ANKRD36B: variants seen among roughly 807,000 people sequenced by gnomAD.
The protein encoded by ANKRD36B is ankyrin repeat domain-containing protein 36B.
In ANKRD36B, 37 loss-of-function variants were observed where a neutral mutation model predicts 135.7. The ratio of observed to expected loss-of-function variants is 0.27; its 90% CI spans 0.21 to 0.36. ANKRD36B has a LOEUF of 0.36. Among genes scored for constraint, ANKRD36B ranks in the 10% least tolerant of loss-of-function variants. The pLI is 1.00. For missense variants in ANKRD36B, 549 were observed against 1,037.1 expected (o/e 0.53, Z 6.46); for synonymous variants, 179 against 348.1 (o/e 0.51, Z 5.41).
chr2:97,551,332 C>G lies in ANKRD36B; in HGVS notation c.1332G>C (p.Ser444=). The change falls in exon 18 of 44, where the codon TCG becomes TCC. Residue 444 remains serine, a synonymous_variant. Transcript: ENST00000359901. ...CATCCTTTTTTTCTCTGGTTATATT[C>G]GAAAAAGAATCTTTCTCATCACTTG... The part of the protein sequence containing the change: ...KATSDEKDSF[S]NITREKKDGE... 6.3e-7 allele frequency: 1 copy of G among 1,584,564 alleles called. No individual in the cohort carries two copies. Among genetic ancestry groups the G allele is most frequent in the Non-Finnish European group, 8.6e-7 (1 of 1,168,208 alleles).
rs1216913492 is a variant in ANKRD36B at position 97,589,704 on chromosome 2, C to CCA, written c.-20_-19insTG. On this transcript the variant is annotated 5_prime_UTR_variant, in exon 1 of 44. Coordinates refer to ENST00000359901, the MANE Select transcript of ANKRD36B (RefSeq NM_001393939.1). ...GCTCCATGAGGGTGGGCCACCTCTC[C>CCA]CGCTCGTCGTCTTCCTTAATCGTCG... The CCA allele has an allele frequency of 6.2e-7, 1 of 1,613,908 alleles. No homozygotes were observed. Among genetic ancestry groups the CCA allele is most frequent in the African/African-American group, 1.3e-5 (1 of 74,898 alleles).
rs56775263 is a variant in ANKRD36B at position 97,496,833 on chromosome 2, G to GTATATA, written c.*7-3984_*7-3979dup. On this transcript the variant is annotated intron_variant, in intron 43 of 43. Coordinates refer to ENST00000359901, the MANE Select transcript of ANKRD36B (RefSeq NM_001393939.1). ...TGTGTGTGTATGTATATATGTGTGTGTATATATATATATATATATATATAT... is the reference window on the plus strand; with the variant it reads ...TGTGTGTGTATGTATATATGTGTGTGTATATATATATATATATATATATATATATAT... Among the ~76,000 whole-genome samples the GTATATA allele has an allele frequency of 2.2e-3, 136 of 62,024 alleles. 4 individuals are homozygous for GTATATA. Among genetic ancestry groups the GTATATA allele is most frequent in the East Asian group, 5.4e-3 (20 of 3,686 alleles). The allele number at this position is 62,024 out of a possible 152,430, so 40.7% of individuals were successfully genotyped here.
At chr2:97,559,605 C>G (rs989831593) in intron 8 of ANKRD36B, among the ~76,000 whole-genome samples, 9 of 151,930 alleles carry the variant, frequency 5.9e-5, no homozygotes, top group African/African-American at 2.2e-4. Flanking sequence ...CTTGTATCCA[C>G]TAGTTTAGCT....
rs1442303887 is a variant in ANKRD36B at position 97,556,975 on chromosome 2, A to G, written c.1031T>C (p.Ile344Thr). 6.3e-6 allele frequency: 10 copies of G among 1,586,260 alleles called. No homozygotes were observed. In the East Asian group the frequency reaches 1.8e-4, roughly 29 times the overall value. Residue 344 changes from isoleucine (I) to threonine (T), a missense_variant, in exon 12 of 44, where the codon ATT becomes ACT. Transcript: ENST00000359901. ...CCCACCGCCCATTATTCTTGTGGCA[A>G]TATTCAAAAGAGAAACTTTCTTTTT... ...IFKKKVSLLN[I>T]ATRIMGGGKS...
At chr2:97,562,413 C>CCAAAAA (rs2081109652) in intron 6 of ANKRD36B, among the ~76,000 whole-genome samples, 1 of 151,792 alleles carries the variant, frequency 6.6e-6, no homozygotes, top group Admixed American at 6.6e-5. Flanking sequence ...ACACAGCTTT[C>CCAAAAA]CAAAAACAAA....
chr2:97,557,421 A>G (rs2080632411), intron 10 of ANKRD36B, among the ~76,000 whole-genome samples: 1 of 151,740 alleles, frequency 6.6e-6, no homozygotes, highest in African/African-American at 2.4e-5. Context: ...CTGAATGATG[A>G]AAAGAAATGT....
At chr2:97,573,167 C>T (rs1291553732) in intron 6 of ANKRD36B, among the ~76,000 whole-genome samples, 2 of 151,902 alleles carry the variant, frequency 1.3e-5, no homozygotes, top group South Asian at 2.1e-4. Context: ...TGCGGTGTTT[C>T]GTTTTTTGTC....
intron 28 of ANKRD36B, among the ~76,000 whole-genome samples, chr2:97,540,850 A>T (rs1444135682): frequency 2.1e-5 from 2 of 95,942 alleles, no homozygotes; most frequent in African/African-American, 6.2e-5. Flanking sequence ...TCTTGTATCC[A>T]CTCGTTTAGC....
At chr2:97,547,806 G>C (rs1576922571) in intron 20 of ANKRD36B, 75 bp from the exon 21 acceptor site, 1 of 1,521,278 alleles carries the variant, frequency 6.6e-7, no homozygotes, top group Non-Finnish European at 8.9e-7. Context: ...CGCAGTGTTA[G>C]CATCAACCTC....
intron 1 of ANKRD36B, among the ~76,000 whole-genome samples, chr2:97,588,389 A>G (rs920940765): frequency 3.3e-5 from 5 of 151,820 alleles, no homozygotes; most frequent in Non-Finnish European, 7.4e-5. Flanking sequence ...TTTTGCACCA[A>G]CCTAATATAT....
chr2:97,574,672 T>G (rs2082111325), intron 6 of ANKRD36B, among the ~76,000 whole-genome samples: 1 of 152,186 alleles, frequency 6.6e-6, no homozygotes, highest in African/African-American at 2.4e-5. Flanking sequence ...AGTCGGGATG[T>G]ATGTGCTTTG....
In ANKRD36B at chr2:97,565,866, T is replaced by G. The variant is rs553577819; in HGVS notation, c.764-5006A>C. 1.9e-3 allele frequency among the ~76,000 whole-genome samples: 275 copies of G among 147,456 alleles called. 1 individual carries two copies. The highest frequency in any genetic ancestry group is 3.1e-3 in the Admixed American group (46 of 14,798). On this transcript the variant is annotated intron_variant, in intron 6 of 43. Transcript: ENST00000359901. ...CTCATTACTGGGCATATACTCGGGGTGTGTGTGTGTGTGTGTGTGTGTGTA... is the reference window on the plus strand; with the variant it reads ...CTCATTACTGGGCATATACTCGGGGGGTGTGTGTGTGTGTGTGTGTGTGTA...
intron 6 of ANKRD36B, among the ~76,000 whole-genome samples, chr2:97,570,589 T>C (rs1469066020): frequency 6.6e-6 from 1 of 152,162 alleles, no homozygotes. Context: ...TGTAAGTCTC[T>C]AGTCAGACTC....
chr2:97,579,839 G>A (rs1329190005), intron 4 of ANKRD36B, among the ~76,000 whole-genome samples: 2 of 151,864 alleles, frequency 1.3e-5, no homozygotes, highest in Admixed American at 6.6e-5. Flanking sequence ...TATATATAAT[G>A]TTACTTACAC....
At chr2:97,544,614 C>T (rs1486078606) in intron 24 of ANKRD36B, among the ~76,000 whole-genome samples, 1 of 96,262 alleles carries the variant, frequency 1.0e-5, no homozygotes, top group Admixed American at 9.3e-5. Flanking sequence ...CTCATTTAGC[C>T]TTCTGAAAGT....
chr2:97,560,673 G>C lies in ANKRD36B; in HGVS notation c.857C>G (p.Ser286Cys). 6.2e-7 allele frequency: 1 copy of C among 1,603,548 alleles called. No individual in the cohort carries two copies. Among genetic ancestry groups the C allele is most frequent in the Non-Finnish European group, 8.5e-7 (1 of 1,178,342 alleles). Residue 286 changes from serine (S) to cysteine (C), a missense_variant, in exon 8 of 44, where the codon TCT becomes TGT. Ser to Cys is a moderately radical substitution (Grantham distance 112). Coordinates refer to ENST00000359901, the MANE Select transcript of ANKRD36B (RefSeq NM_001393939.1). ...GTGTTTTGCAAAATTACCTGTCCCA[G>C]ATATAGGTCCCTCCTTTATTTCTGT... ...IATEIKEGPISGTVSSQKQPA... is the reference protein window; with the variant it reads ...IATEIKEGPICGTVSSQKQPA...
chr2:97,563,541 T>C (rs1242554062), intron 6 of ANKRD36B, among the ~76,000 whole-genome samples: 2 of 151,966 alleles, frequency 1.3e-5, no homozygotes, highest in African/African-American at 2.4e-5. Flanking sequence ...GGGAACACTC[T>C]ATAGGGATCA....
chr2:97,569,386 G>T (rs2104862678), intron 6 of ANKRD36B, among the ~76,000 whole-genome samples: 1 of 152,202 alleles, frequency 6.6e-6, no homozygotes, highest in African/African-American at 2.4e-5. Flanking sequence ...TATGGGGACA[G>T]CAAAAATATT....
chr2:97,540,333 A>G lies in ANKRD36B; in HGVS notation c.1886-104T>C, dbSNP rs1344815183. On this transcript the variant is annotated intron_variant, in intron 28 of 43. Transcript: ENST00000359901. Reference sequence around the variant, plus strand: ...CAAGCTGTATCCTTCTGCCTGTACTAGGGTAGGATTTGATGTTTCCTACTT... The same window carrying G: ...CAAGCTGTATCCTTCTGCCTGTACTGGGGTAGGATTTGATGTTTCCTACTT... The G allele has an allele frequency of 9.2e-6, 7 of 764,544 alleles. 2 individuals are homozygous for G. In the African/African-American group the frequency reaches 1.3e-4, roughly 14 times the overall value. The allele number at this position is 764,544 out of a possible 1,614,324, so 47.4% of individuals were successfully genotyped here.
Sources: allele counts gnomAD v4.1 joint callset (sites outside exome capture counted in the v4.1 genomes callset), GRCh38; gene constraint gnomAD v4.1.1; transcripts MANE v1.5; gene names NCBI Gene and HGNC (gene_info 2026-07-23, HGNC 2026-07-21).